Variants in UNKL observed in about 807,000 individuals in gnomAD.
The protein encoded by UNKL is putative E3 ubiquitin-protein ligase UNKL.
UNKL carries 60 observed loss-of-function variants against 78.0 expected under a neutral mutation model. The observed-to-expected ratio is 0.77, with a 90% CI of 0.63 to 0.95. The LOEUF (loss-of-function observed/expected upper bound fraction) is 0.95. UNKL is among the 40% of genes least tolerant of loss of function. The pLI, the probability that UNKL is intolerant of heterozygous loss-of-function variation, is 0.00. For synonymous variants in UNKL, 608 were observed against 474.8 expected, an observed-to-expected ratio of 1.28 and a Z score of -3.65; for missense variants, 1,159 against 1,045.7, an observed-to-expected ratio of 1.11 and a Z score of -1.49.
rs2037245699 is a variant in UNKL at position 1,396,042 on chromosome 16, A to C, written c.852+1136T>G. Among the ~76,000 whole-genome samples the C allele has an allele frequency of 5.9e-5, 9 of 152,126 alleles. No individual in the cohort carries two copies. The South Asian group carries it at 1.9e-3, about 32-fold the overall frequency. On this transcript the variant is annotated intron_variant, in intron 6 of 14. Transcript: ENST00000389221. ...ACTGCAACCTCAGCCTCCCAGGTTC[A>C]AGTGATCCTCGCGCCTCAGCCTCCA...
intron 3 of UNKL, among the ~76,000 whole-genome samples, chr16:1,402,325 G>A (rs950474835): frequency 1.3e-5 from 2 of 152,210 alleles, no homozygotes; most frequent in Non-Finnish European, 2.9e-5. Context: ...GGGCCCAGAA[G>A]AGAAACACAC....
At chr16:1,395,680 C>T (rs1211116821) in intron 6 of UNKL, 1 of 456,384 alleles carries the variant, frequency 2.2e-6, no homozygotes, top group Non-Finnish European at 4.4e-6. Context: ...TTATCTCCCT[C>T]AGGATTTATG....
At chr16:1,410,610 C>A (rs2037996602) in intron 2 of UNKL, among the ~76,000 whole-genome samples, 1 of 152,162 alleles carries the variant, frequency 6.6e-6, no homozygotes, top group African/African-American at 2.4e-5. Flanking sequence ...CCAATCAGTG[C>A]CCTGTATTCA....
chr16:1,395,547 A>G (rs2037223214), intron 6 of UNKL: 7 of 391,212 alleles, frequency 1.8e-5, no homozygotes, highest in Admixed American at 1.6e-4. Flanking sequence ...TGTACCGTCC[A>G]TACCCTGCAC....
Position 1,364,570 on chromosome 16 carries a change from C to G in UNKL, c.*1670G>C, listed in dbSNP as rs935764265. 1 of 152,296 alleles carries G rather than the reference C, an allele frequency of 6.6e-6. No individual in the cohort carries two copies. The highest frequency in any genetic ancestry group is 2.4e-5 in the African/African-American group (1 of 41,460). The allele number at this position is 152,296 out of a possible 1,614,324, so 9.4% of individuals were successfully genotyped here. ...GCCCTGAGCAGAAGGGTCAGGTCAT[C>G]GCGGGGATGCGTTCTCAGTCACGTT... On this transcript the variant is annotated 3_prime_UTR_variant, in exon 15 of 15. Coordinates refer to ENST00000389221, the MANE Select transcript of UNKL (RefSeq NM_001372107.1).
intron 2 of UNKL, chr16:1,406,190 C>T (rs1292235193): frequency 3.0e-5 from 11 of 367,984 alleles, no homozygotes; most frequent in South Asian, 1.7e-4. Flanking sequence ...GAGGAACAGG[C>T]GTACTCCCAT....
chr16:1,370,166 T>G lies in UNKL; in HGVS notation c.1549A>C (p.Thr517Pro), dbSNP rs2035683716. ...QPPPLRSEPGTLGSAASSYSP... is the reference protein window; with the variant it reads ...QPPPLRSEPGPLGSAASSYSP... ...TAGGATGAGGCTGCAGAGCCCAGTG[T>G]GCCCGGCTCTGAACGCAGGGGTGGC... Residue 517 changes from threonine (T) to proline (P), a missense_variant, in exon 12 of 15, where the codon ACA (threonine) becomes CCA (proline). Coordinates refer to ENST00000389221, the MANE Select transcript of UNKL (RefSeq NM_001372107.1). The G allele has an allele frequency of 6.6e-7, 1 of 1,514,232 alleles. No individual in the cohort carries two copies. The highest frequency in any genetic ancestry group is 2.1e-5 in the Admixed American group (1 of 48,204). 93.8% of individuals were successfully genotyped at this position (1,514,232 alleles called of 1,614,324 possible). A position where few individuals can be genotyped will look rare whatever the true frequency, so the allele number is the denominator to read the frequency against.
Position 1,403,155 on chromosome 16 carries a change from G to C in UNKL, c.464+13C>G. The C allele has an allele frequency of 6.2e-7, 1 of 1,603,956 alleles. No individual in the cohort carries two copies. The highest frequency in any genetic ancestry group is 8.5e-7 in the Non-Finnish European group (1 of 1,174,804). ...CAGGCAGGCCAAGTGCCCACTCGTG[G>C]ATGCCCACTCACCTGACGTCACACA... On this transcript the variant is annotated intron_variant, in intron 3 of 14. Transcript: ENST00000389221. The surrounding 1 kb of genome is among the most constrained non-coding windows in gnomAD (Gnocchi z 4.8).
chr16:1,372,776 C>T (rs1010970476), intron 10 of UNKL, among the ~76,000 whole-genome samples: 1 of 152,184 alleles, frequency 6.6e-6, no homozygotes, highest in Non-Finnish European at 1.5e-5. Context: ...GCCTCCCCAG[C>T]CCAGCCCAGT....
chr16:1,402,676 A>G (rs1224411790), intron 3 of UNKL, among the ~76,000 whole-genome samples: 2 of 151,024 alleles, frequency 1.3e-5, no homozygotes, highest in East Asian at 1.9e-4. Flanking sequence ...AAACAAAAAA[A>G]GAAAAGAAAA....
At chr16:1,396,418 C>T (rs1335043821) in intron 6 of UNKL, among the ~76,000 whole-genome samples, 1 of 151,288 alleles carries the variant, frequency 6.6e-6, no homozygotes, top group Non-Finnish European at 1.5e-5. Flanking sequence ...TCCCGAGTAG[C>T]TAGGACTACA....
At chr16:1,375,854 G>A (rs2036175891) in intron 10 of UNKL, among the ~76,000 whole-genome samples, 1 of 152,164 alleles carries the variant, frequency 6.6e-6, no homozygotes, top group South Asian at 2.1e-4. Flanking sequence ...CATCCACCCT[G>A]GCCTGCAGGG....
At chr16:1,376,263 T>G (rs2036215683) in intron 10 of UNKL, among the ~76,000 whole-genome samples, 1 of 133,946 alleles carries the variant, frequency 7.5e-6, no homozygotes, top group South Asian at 2.5e-4. Context: ...TCCTCCTCCC[T>G]CTCTCCAGGG....
Position 1,399,512 on chromosome 16 carries a change from GA to G in UNKL, c.599-4del. ...GCTGCCCAGCACGAAGTTGGCATCT[GA>G]AAAATGGGCCACACGGTGCCTGAGC... On this transcript the variant is annotated splice_region_variant and splice_polypyrimidine_tract_variant and intron_variant, in intron 4 of 14. Coordinates refer to ENST00000389221, the MANE Select transcript of UNKL (RefSeq NM_001372107.1). This position sits in a 1 kb window ranked among gnomAD's most constrained non-coding sequence, Gnocchi z 5.8. 2 of 1,594,076 alleles carry G rather than the reference GA, an allele frequency of 1.3e-6. No homozygotes were observed. Among genetic ancestry groups the G allele is most frequent in the South Asian group, 1.1e-5 (1 of 88,262 alleles).
intron 10 of UNKL, among the ~76,000 whole-genome samples, chr16:1,372,482 C>A (rs949724018): frequency 6.6e-6 from 1 of 152,162 alleles, no homozygotes; most frequent in Non-Finnish European, 1.5e-5. Context: ...CCCTCCTGCA[C>A]GGGCCCTTCC....
rs187113179 is a variant in UNKL, at chr16:1,396,366, C to T, written c.852+812G>A. On this transcript the variant is annotated intron_variant, in intron 6 of 14. Coordinates refer to ENST00000389221, the MANE Select transcript of UNKL (RefSeq NM_001372107.1). ...GCCTCCCGGGTTCAAGCGATCCTCA[C>T]GTCTCAGCCTCCCAAGTTCAAGTGC... 4.8e-4 allele frequency among the ~76,000 whole-genome samples: 72 copies of T among 150,258 alleles called. No individual in the cohort carries two copies. In the East Asian group the frequency reaches 0.011, roughly 23 times the overall value.
chr16:1,390,475 G>T (rs959562638), intron 9 of UNKL, among the ~76,000 whole-genome samples, 157 bp downstream of exon 9: 4 of 152,186 alleles, frequency 2.6e-5, no homozygotes, highest in African/African-American at 9.7e-5. Context: ...TACAACAAGC[G>T]GACGTCAACC....
At chr16:1,411,381 A>G (rs2038031906) in intron 2 of UNKL, among the ~76,000 whole-genome samples, 1 of 151,318 alleles carries the variant, frequency 6.6e-6, no homozygotes, top group South Asian at 2.1e-4. Flanking sequence ...AAATAAAATA[A>G]ATTAGCCAGG....
intron 10 of UNKL, among the ~76,000 whole-genome samples, chr16:1,380,600 C>T (rs2036565543): frequency 6.9e-6 from 1 of 145,414 alleles, no homozygotes; most frequent in Admixed American, 7.0e-5. Context: ...AATACATTGC[C>T]TCTAACTAAG....
Sources: allele counts gnomAD v4.1 joint callset (sites outside exome capture counted in the v4.1 genomes callset), GRCh38; gene constraint gnomAD v4.1.1; non-coding constraint Gnocchi (gnomAD v3.1); transcripts MANE v1.5; gene names NCBI Gene and HGNC (gene_info 2026-07-23, HGNC 2026-07-21).